ZBTB16: variants seen among roughly 807,000 people sequenced by gnomAD.
ZBTB16 encodes the protein zinc finger and BTB domain-containing protein 16.
In ZBTB16, 8 loss-of-function variants were observed where a neutral mutation model predicts 56.8. The observed-to-expected ratio is 0.14, with a 90% CI of 0.08 to 0.25. The LOEUF (loss-of-function observed/expected upper bound fraction) is 0.25. Among genes scored for constraint, ZBTB16 ranks in the 10% least tolerant of loss-of-function variants. ZBTB16 has a pLI of 1.00. For missense variants in ZBTB16, 625 were observed against 903.0 expected (o/e 0.69, Z 3.95); for synonymous variants, 363 against 368.5 (o/e 0.98, Z 0.17).
At chr11:114,211,592 G>T (rs1276889465) in intron 4 of ZBTB16, among the ~76,000 whole-genome samples, 1 of 152,136 alleles carries the variant, frequency 6.6e-6, no homozygotes, top group Non-Finnish European at 1.5e-5. Context: ...TTGATTCTTC[G>T]TCACTTCCCC....
At position 114,211,042 on chromosome 11, in the gene ZBTB16, C is replaced by T. The variant is rs141276235; in HGVS notation, c.1453+24004C>T. The T allele has an allele frequency of 4.9e-3, 808 of 166,594 alleles. 8 individuals carry two copies. The highest frequency in any genetic ancestry group is 0.017 in the African/African-American group (733 of 41,970). The allele number at this position is 166,594 out of a possible 1,614,324, so 10.3% of individuals were successfully genotyped here. A position where few individuals can be genotyped will look rare whatever the true frequency, so the allele number is the denominator to read the frequency against. On this transcript the variant is annotated intron_variant, in intron 4 of 6. Transcript: ENST00000335953. ...AAGCGATTCTCCTGCCTCAGCCTCC[C>T]GAGTAGCTGGGATTATTACAGGTGT...
At chr11:114,179,280 T>TATAGAG (rs1943190286) in intron 3 of ZBTB16, among the ~76,000 whole-genome samples, 1 of 149,714 alleles carries the variant, frequency 6.7e-6, no homozygotes, top group Non-Finnish European at 1.5e-5. Flanking sequence ...GAGAGAGAGC[T>TATAGAG]AGAGAGAGAG....
At chr11:114,208,203 A>G (rs1178074091) in intron 4 of ZBTB16, among the ~76,000 whole-genome samples, 2 of 152,192 alleles carry the variant, frequency 1.3e-5, no homozygotes, top group Non-Finnish European at 2.9e-5. Flanking sequence ...TGAAGATTGA[A>G]CCACCTTGGG....
At chr11:114,108,873 T>C (rs561359445) in intron 2 of ZBTB16, among the ~76,000 whole-genome samples, 1 of 152,352 alleles carries the variant, frequency 6.6e-6, no homozygotes, top group Admixed American at 6.5e-5. Flanking sequence ...AATGCCTTCT[T>C]GGATTTCTTT....
intron 4 of ZBTB16, among the ~76,000 whole-genome samples, chr11:114,234,094 T>C (rs561635926): frequency 1.4e-4 from 21 of 152,366 alleles, no homozygotes; most frequent in Admixed American, 1.2e-3. Flanking sequence ...CTGACGGTAT[T>C]GAAACCGTAA....
chr11:114,129,325 C>T (rs774692980), intron 2 of ZBTB16, among the ~76,000 whole-genome samples: 8 of 152,194 alleles, frequency 5.3e-5, no homozygotes, highest in East Asian at 1.9e-4. Context: ...TGATCCGTGG[C>T]GCAGCCACCG....
At chr11:114,120,667 C>T (rs1252977552) in intron 2 of ZBTB16, among the ~76,000 whole-genome samples, 2 of 152,236 alleles carry the variant, frequency 1.3e-5, no homozygotes, top group Non-Finnish European at 2.9e-5. Context: ...CACACTTTCT[C>T]TGCGTGTCTT....
chr11:114,255,498 G>A lies in ZBTB16; in HGVS notation c.*4943G>A, dbSNP rs1331459947. On this transcript the variant is annotated 3_prime_UTR_variant, in exon 7 of 7. Coordinates refer to ENST00000335953, the MANE Select transcript of ZBTB16 (RefSeq NM_006006.6). ...CCTCCCCTCCTCCCTCTGGCTCCCC[G>A]TCTCATTTCTGTCCACTCCATTCTC... Among the ~76,000 whole-genome samples the A allele has an allele frequency of 8.9e-5, 10 of 111,938 alleles. No homozygotes were observed. In the East Asian group the frequency reaches 2.0e-3, roughly 22 times the overall value. The allele number at this position is 111,938 out of a possible 152,430, so 73.4% of individuals were successfully genotyped here.
At chr11:114,241,240 A>T (rs1028292994) in intron 4 of ZBTB16, among the ~76,000 whole-genome samples, 1 of 151,986 alleles carries the variant, frequency 6.6e-6, no homozygotes, top group Non-Finnish European at 1.5e-5. Flanking sequence ...AGTTAAAAAA[A>T]AAAAACAAAA....
intron 3 of ZBTB16, among the ~76,000 whole-genome samples, chr11:114,158,307 T>C (rs1942480971): frequency 6.6e-6 from 1 of 152,166 alleles, no homozygotes; most frequent in Non-Finnish European, 1.5e-5. Flanking sequence ...TTCTTATTGC[T>C]CTTTCCTTGA....
chr11:114,085,239 T>A (rs1939917182), intron 2 of ZBTB16, among the ~76,000 whole-genome samples: 1 of 152,238 alleles, frequency 6.6e-6, no homozygotes, highest in African/African-American at 2.4e-5. Context: ...CTTTACTATA[T>A]GCTCTGGTAT....
At chr11:114,102,879 A>G (rs1940662927) in intron 2 of ZBTB16, among the ~76,000 whole-genome samples, 1 of 152,088 alleles carries the variant, frequency 6.6e-6, no homozygotes, top group African/African-American at 2.4e-5. Context: ...CCCCAATGCC[A>G]CCCACACATT....
At chr11:114,124,432 C>G (rs906139837) in intron 2 of ZBTB16, among the ~76,000 whole-genome samples, 23 of 151,782 alleles carry the variant, frequency 1.5e-4, no homozygotes, top group African/African-American at 5.6e-4. Context: ...TTTCGCCAAC[C>G]CCCTACCAAA....
chr11:114,059,854 C>G lies in ZBTB16; in HGVS notation c.-119C>G. 1 of 397,968 alleles carries G rather than the reference C, an allele frequency of 2.5e-6. No homozygotes were observed. Among genetic ancestry groups the G allele is most frequent in the Non-Finnish European group, 4.4e-6 (1 of 225,684 alleles). 24.7% of individuals were successfully genotyped at this position (397,968 alleles called of 1,614,324 possible). A position where few individuals can be genotyped will look rare whatever the true frequency, so the allele number is the denominator to read the frequency against. On this transcript the variant is annotated 5_prime_UTR_variant, in exon 1 of 7. Coordinates refer to ENST00000335953, the MANE Select transcript of ZBTB16 (RefSeq NM_006006.6). The surrounding 1 kb of genome is among the most constrained non-coding windows in gnomAD (Gnocchi z 5.3). The stretch of plus-strand genomic sequence containing the variant: ...ACACACCCCCCGACAGGCACGCACA[C>G]CCACCCCACAGTGCCCGGCTCGGCT...
chr11:114,218,947 G>C (rs1325811020), intron 4 of ZBTB16, among the ~76,000 whole-genome samples: 1 of 152,350 alleles, frequency 6.6e-6, no homozygotes. Flanking sequence ...TCGTCCGCTT[G>C]AGTTTTTTCC....
chr11:114,059,815 TCCCCGACACAGGCACACACC>T lies in ZBTB16; in HGVS notation c.-149_-130del. The T allele has an allele frequency of 5.0e-6, 2 of 397,698 alleles. No individual in the cohort carries two copies. Among genetic ancestry groups the T allele is most frequent in the Non-Finnish European group, 8.9e-6 (2 of 225,772 alleles). The allele number at this position is 397,698 out of a possible 1,614,324, so 24.6% of individuals were successfully genotyped here. ...AGCAACAGTTCCCCAGCAACACCCC[TCCCCGACACAGGCACACACC>T]CCCCGACAGGCACGCACACCCACCC... On this transcript the variant is annotated 5_prime_UTR_variant, in exon 1 of 7. Coordinates refer to ENST00000335953, the MANE Select transcript of ZBTB16 (RefSeq NM_006006.6). This position sits in a 1 kb window ranked among gnomAD's most constrained non-coding sequence, Gnocchi z 5.3.
intron 4 of ZBTB16, among the ~76,000 whole-genome samples, chr11:114,236,548 G>A (rs1036460982): frequency 7.9e-5 from 12 of 152,266 alleles, no homozygotes; most frequent in Admixed American, 4.6e-4. Flanking sequence ...AGTGAGATCC[G>A]CTGCCTGTGG....
chr11:114,158,300 T>A (rs1206055161), intron 3 of ZBTB16, among the ~76,000 whole-genome samples: 3 of 152,316 alleles, frequency 2.0e-5, no homozygotes, highest in African/African-American at 4.8e-5. Flanking sequence ...GCGTCCTTTC[T>A]TATTGCTCTT....
chr11:114,134,346 T>TTTTCTTTC (rs200564067), intron 2 of ZBTB16, among the ~76,000 whole-genome samples: 6 of 152,054 alleles, frequency 3.9e-5, no homozygotes, highest in Admixed American at 3.3e-4. Flanking sequence ...GTACTGGGCC[T>TTTTCTTTC]TTTCTTTCTT....
Sources: allele counts gnomAD v4.1 joint callset (sites outside exome capture counted in the v4.1 genomes callset), GRCh38; gene constraint gnomAD v4.1.1; non-coding constraint Gnocchi (gnomAD v3.1); transcripts MANE v1.5; gene names NCBI Gene and HGNC (gene_info 2026-07-23, HGNC 2026-07-21).